The following PAPOLG variants were observed in gnomAD, a reference collection of about 807,000 sequenced individuals.
The protein encoded by PAPOLG is poly(A) polymerase gamma, also known as PAP-gamma.
Under a neutral mutation model 99.0 loss-of-function variants are expected in PAPOLG, and 40 were observed. The ratio of observed to expected loss-of-function variants is 0.40; its 90% CI spans 0.31 to 0.53. The LOEUF is 0.53. Among genes scored for constraint, PAPOLG ranks in the 20% least tolerant of loss-of-function variants. The pLI, the probability that PAPOLG is intolerant of heterozygous loss-of-function variation, is 0.41. For missense variants in PAPOLG, 675 were observed against 884.1 expected, an observed-to-expected ratio of 0.76 and a Z score of 3.00; for synonymous variants, 310 against 299.3, an observed-to-expected ratio of 1.04 and a Z score of -0.37.
intron 10 of PAPOLG, among the ~76,000 whole-genome samples, chr2:60,781,639 A>C (rs1671193086): frequency 6.6e-6 from 1 of 152,224 alleles, no homozygotes; most frequent in Non-Finnish European, 1.5e-5. Flanking sequence ...CATTGTTTAT[A>C]AGATGCACAT....
At chr2:60,783,092 T>C in intron 12 of PAPOLG, 64 bp from the exon 13 acceptor site, 1 of 1,416,634 alleles carries the variant, frequency 7.1e-7, no homozygotes, top group South Asian at 1.5e-5. Flanking sequence ...AAGGGGATGA[T>C]TAAAAAGCAG....
intron 8 of PAPOLG, 42 bp from the exon 9 acceptor site, chr2:60,779,595 A>G: frequency 6.4e-7 from 1 of 1,569,426 alleles, no homozygotes; most frequent in Non-Finnish European, 8.7e-7. Context: ...TGTCACAGAT[A>G]GTAGGTCCTA....
At chr2:60,784,067 G>A (rs1289955354) in intron 13 of PAPOLG, among the ~76,000 whole-genome samples, 2 of 152,146 alleles carry the variant, frequency 1.3e-5, no homozygotes, top group Non-Finnish European at 2.9e-5. Context: ...TCCGCCTCCC[G>A]GGTTCAAGCA....
At chr2:60,765,574 AC>A (rs2103766521) in intron 3 of PAPOLG, among the ~76,000 whole-genome samples, 1 of 152,202 alleles carries the variant, frequency 6.6e-6, no homozygotes, top group Non-Finnish European at 1.5e-5. Flanking sequence ...TTGGAAAGTA[AC>A]TGAAGGATTT....
intron 16 of PAPOLG, 36 bp downstream of exon 16, chr2:60,791,918 A>G: frequency 6.3e-7 from 1 of 1,593,630 alleles, no homozygotes; most frequent in Non-Finnish European, 8.5e-7. Context: ...GTATGGTTTT[A>G]CTCAGACAAA....
At chr2:60,769,179 C>G (rs1226027101) in intron 5 of PAPOLG, among the ~76,000 whole-genome samples, 6 of 152,046 alleles carry the variant, frequency 3.9e-5, no homozygotes, top group African/African-American at 1.2e-4. Context: ...GTGGTAATAA[C>G]TTTTTTATAA....
chr2:60,767,714 T>C (rs1424610455), intron 3 of PAPOLG, among the ~76,000 whole-genome samples: 1 of 152,222 alleles, frequency 6.6e-6, no homozygotes, highest in Non-Finnish European at 1.5e-5. Flanking sequence ...GTTGTAGAGC[T>C]AGAATCAAGA....
chr2:60,780,557 T>C, intron 9 of PAPOLG, 150 bp from the exon 10 acceptor site: 1 of 701,878 alleles, frequency 1.4e-6, no homozygotes, highest in Non-Finnish European at 2.3e-6. Flanking sequence ...ATTACAGGCA[T>C]GAGCCACCAT....
chr2:60,786,999 A>C lies in PAPOLG; in HGVS notation c.1219A>C (p.Asn407His). The change falls in exon 14 of 22, where the codon AAT becomes CAT. Residue 407 changes from asparagine to histidine, a missense_variant. Physicochemically the swap from Asn to His is moderately conservative, Grantham distance 68. Transcript: ENST00000238714. ...IRVLVGNLER[N>H]EFITLAHVNP... is the part of the protein sequence containing the mutation. ...TGTACTTGTTGGAAACTTGGAACGG[A>C]ATGAATTTATTACTCTTGCCCATGT... 1 of 1,613,052 alleles carries C rather than the reference A, an allele frequency of 6.2e-7. No individual in the cohort carries two copies. Among genetic ancestry groups the C allele is most frequent in the Non-Finnish European group, 8.5e-7 (1 of 1,179,132 alleles).
Position 60,797,826 on chromosome 2 carries a change from GA to G in PAPOLG, c.*667del, listed in dbSNP as rs1236273886. 3 of 152,730 alleles carry G rather than the reference GA, an allele frequency of 2.0e-5. No homozygotes were observed. The highest frequency in any genetic ancestry group is 4.4e-5 in the Non-Finnish European group (3 of 68,028). 9.5% of individuals were successfully genotyped at this position (152,730 alleles called of 1,614,324 possible). A position where few individuals can be genotyped will look rare whatever the true frequency, so the allele number is the denominator to read the frequency against. On this transcript the variant is annotated 3_prime_UTR_variant, in exon 22 of 22. Transcript: ENST00000238714. ...AGTTACCAGGGAAGATTAGTCCAGT[GA>G]TTACATAAGAGTTGGGCACCATAAA...
At chr2:60,795,044 G>A in intron 21 of PAPOLG, 24 bp downstream of exon 21, 1 of 1,575,630 alleles carries the variant, frequency 6.3e-7, no homozygotes. Context: ...CTTGTTCATA[G>A]GTACAGTACA....
rs910073422 is a variant in PAPOLG, at chr2:60,775,143, T to C, written c.694+20T>C. 8 of 1,589,260 alleles carry C rather than the reference T, an allele frequency of 5.0e-6. No homozygotes were observed. The highest frequency in any genetic ancestry group is 2.7e-5 in the African/African-American group (2 of 73,366). On this transcript the variant is annotated intron_variant, in intron 8 of 21. Transcript: ENST00000238714. ...CAAAACGTAAGTATCCCTAGTCTTTTATGTTTGCATTATAAAATTCTAATT... is the reference window on the plus strand; with the variant it reads ...CAAAACGTAAGTATCCCTAGTCTTTCATGTTTGCATTATAAAATTCTAATT...
chr2:60,761,738 T>C lies in PAPOLG; in HGVS notation c.180-3T>C. On this transcript the variant is annotated splice_polypyrimidine_tract_variant and splice_region_variant and intron_variant, in intron 2 of 21. Transcript: ENST00000238714. ...TTTTAATCTGAAGCATTTTTTTTTA[T>C]AGGCTGGTGGTTCTTGGTAAATTGA... 1.3e-6 allele frequency: 2 copies of C among 1,595,050 alleles called. No individual in the cohort carries two copies. Among genetic ancestry groups the C allele is most frequent in the Admixed American group, 1.8e-5 (1 of 57,076 alleles).
intron 10 of PAPOLG, among the ~76,000 whole-genome samples, chr2:60,781,569 C>T (rs1671190225): frequency 6.6e-6 from 1 of 152,090 alleles, no homozygotes. Flanking sequence ...GATTGAGAAC[C>T]ATTAAACCAG....
chr2:60,783,324 CTTTTTTTTT>C (rs72172236), intron 13 of PAPOLG, 115 bp downstream of exon 13: 4 of 158,420 alleles, frequency 2.5e-5, no homozygotes, highest in Non-Finnish European at 4.3e-5. Context: ...TATTATATCT[CTTTTTTTTT>C]TTTTTTTTTT....
intron 8 of PAPOLG, among the ~76,000 whole-genome samples, chr2:60,778,312 AATTTTATTTTATTTT>A (rs70959864): frequency 4.7e-5 from 7 of 147,840 alleles, no homozygotes; most frequent in Non-Finnish European, 7.4e-5. Context: ...ACACCCGGCT[AATTTTATTTTATTTT>A]ATTTTATTTT....
intron 18 of PAPOLG, 106 bp from the exon 19 acceptor site, chr2:60,793,865 C>G: frequency 7.1e-7 from 1 of 1,410,362 alleles, no homozygotes; most frequent in Non-Finnish European, 9.6e-7. Flanking sequence ...GAGCTGTGAT[C>G]AAGCCACTGC....
At chr2:60,764,638 C>G (rs1009455612) in intron 3 of PAPOLG, among the ~76,000 whole-genome samples, 3 of 152,118 alleles carry the variant, frequency 2.0e-5, no homozygotes, top group African/African-American at 7.2e-5. Flanking sequence ...GTTGGCCAGG[C>G]TGATCTCGAA....
chr2:60,779,448 T>A (rs2103796000), intron 8 of PAPOLG, 189 bp from the exon 9 acceptor site: 1 of 554,260 alleles, frequency 1.8e-6, no homozygotes, highest in East Asian at 2.9e-5. Flanking sequence ...ACTGTGGGCC[T>A]AATGTGAAGG....
Sources: allele counts gnomAD v4.1 joint callset (sites outside exome capture counted in the v4.1 genomes callset), GRCh38; gene constraint gnomAD v4.1.1; transcripts MANE v1.5; gene names NCBI Gene and HGNC (gene_info 2026-07-23, HGNC 2026-07-21).